UBR4: variants seen among roughly 807,000 people sequenced by gnomAD.
UBR4 encodes E3 ubiquitin-protein ligase UBR4.
UBR4 carries 124 observed loss-of-function variants against 575.6 expected under a neutral mutation model. That is an observed-to-expected ratio of 0.22 (90% confidence interval 0.19 to 0.25). The LOEUF is 0.25. UBR4 is among the 10% of genes least tolerant of loss of function. UBR4 has a pLI of 1.00. For synonymous variants in UBR4, 2,455 were observed against 2,473.7 expected, an observed-to-expected ratio of 0.99 and a Z score of 0.22; for missense variants, 4,818 against 6,478.8, an observed-to-expected ratio of 0.74 and a Z score of 8.80.
At position 19,139,360 on chromosome 1, in the gene UBR4, C is replaced by A; in HGVS notation, c.8594-140G>T. Reference sequence around the variant, plus strand: ...ACACAATGCAGTTTATATATCCTGTCGTCAAAGAAAAAAGGGAGAGATTTG... The same window carrying A: ...ACACAATGCAGTTTATATATCCTGTAGTCAAAGAAAAAAGGGAGAGATTTG... On this transcript the variant is annotated intron_variant, in intron 58 of 105. Coordinates refer to ENST00000375254, the MANE Select transcript of UBR4 (RefSeq NM_020765.3). The surrounding 1 kb of genome is among the most constrained non-coding windows in gnomAD (Gnocchi z 4.2). 8.6e-7 allele frequency: 1 copy of A among 1,161,214 alleles called. No individual in the cohort carries two copies. Among genetic ancestry groups the A allele is most frequent in the Non-Finnish European group, 1.1e-6 (1 of 899,746 alleles). The allele number at this position is 1,161,214 out of a possible 1,614,324, so 71.9% of individuals were successfully genotyped here. A position where few individuals can be genotyped will look rare whatever the true frequency, so the allele number is the denominator to read the frequency against.
rs1470502433 is a variant in UBR4 at position 19,084,569 on chromosome 1, G to A, written c.14943C>T (p.Gly4981=). 5.0e-6 allele frequency: 8 copies of A among 1,614,074 alleles called. No homozygotes were observed. The highest frequency in any genetic ancestry group is 1.7e-5 in the Admixed American group (1 of 60,014). ...TCAGGTGGATGTTGCTCTCCCGGCCGCCCCCGCCAGTGTCTGCGCTGAACG... is the reference window on the plus strand; with the variant it reads ...TCAGGTGGATGTTGCTCTCCCGGCCACCCCCGCCAGTGTCTGCGCTGAACG... The part of the protein sequence containing the change: ...EQSFSADTGG[G]GRESNIHLIP... Residue 4981 remains glycine, a synonymous_variant, in exon 102 of 106, where the codon GGC becomes GGT. Transcript: ENST00000375254.
Position 19,141,713 on chromosome 1 carries a change from A to T in UBR4, c.8244T>A (p.Asn2748Lys), listed in dbSNP as rs1281395544. The T allele has an allele frequency of 6.2e-7, 1 of 1,614,068 alleles. No homozygotes were observed. The highest frequency in any genetic ancestry group is 2.2e-5 in the East Asian group (1 of 44,894). Residue 2748 changes from asparagine (N) to lysine (K), a missense_variant, in exon 56 of 106, where the codon AAT becomes AAA. This residue lies in a region of UBR4 where 129 missense variants were observed against 198.4 expected (regional missense o/e 0.65). Coordinates refer to ENST00000375254, the MANE Select transcript of UBR4 (RefSeq NM_020765.3). ...GGCTTTCCTGACGGATGTGACCACC[A>T]TTCGGGATCCCTGATGACTGCATTT... ...DEKMQSSGIPNGGHIRQESQE... is the reference protein window; with the variant it reads ...DEKMQSSGIPKGGHIRQESQE...
At chr1:19,194,535 C>T (rs1467585540) in intron 8 of UBR4, among the ~76,000 whole-genome samples, 2 of 152,170 alleles carry the variant, frequency 1.3e-5, no homozygotes, top group African/African-American at 2.4e-5. Flanking sequence ...GGCGCGGTGG[C>T]TCACGCCTGT....
chr1:19,158,171 T>G (rs992585149), intron 39 of UBR4, among the ~76,000 whole-genome samples, 174 bp from the exon 40 acceptor site: 1 of 152,216 alleles, frequency 6.6e-6, no homozygotes, highest in Non-Finnish European at 1.5e-5. Context: ...TATCAATCCA[T>G]TAAGAATAAC....
rs759128493 is a variant in UBR4, at chr1:19,139,034, G to A, written c.8731+49C>T. The stretch of plus-strand genomic sequence containing the variant: ...AGACCCAAGCAGAGATTCCTGTTTT[G>A]TCCCCACCCTCTGCCCAAGGAGACA... On this transcript the variant is annotated intron_variant, in intron 59 of 105. Coordinates refer to ENST00000375254, the MANE Select transcript of UBR4 (RefSeq NM_020765.3). This position sits in a 1 kb window ranked among gnomAD's most constrained non-coding sequence, Gnocchi z 4.2. 6.4e-7 allele frequency: 1 copy of A among 1,550,616 alleles called. No individual in the cohort carries two copies. Among genetic ancestry groups the A allele is most frequent in the East Asian group, 2.3e-5 (1 of 43,174 alleles).
chr1:19,179,246 C>T (rs748855466), intron 17 of UBR4, 26 bp from the exon 18 acceptor site: 22 of 1,521,862 alleles, frequency 1.4e-5, no homozygotes, highest in Non-Finnish European at 1.9e-5. Flanking sequence ...TGGAACAGAA[C>T]ATTAGCAAAC....
chr1:19,192,153 A>G, intron 11 of UBR4, 35 bp downstream of exon 11: 1 of 1,587,506 alleles, frequency 6.3e-7, no homozygotes, highest in South Asian at 1.1e-5. Context: ...AGCGAAATAA[A>G]ACAAAATATA....
intron 90 of UBR4, among the ~76,000 whole-genome samples, chr1:19,099,269 G>C (rs2078375792): frequency 6.6e-6 from 1 of 152,098 alleles, no homozygotes; most frequent in Admixed American, 6.6e-5. Context: ...ATACTGAAGG[G>C]AACAAGACAG....
chr1:19,121,095 G>T, intron 68 of UBR4, 94 bp downstream of exon 68: 1 of 1,513,772 alleles, frequency 6.6e-7, no homozygotes, highest in Non-Finnish European at 8.9e-7. Flanking sequence ...TCTAAATCAG[G>T]ATTAAAAGAC....
In UBR4 at chr1:19,173,314, G is replaced by C. The variant is rs765418861; in HGVS notation, c.3166-8C>G. 1 of 1,613,798 alleles carries C rather than the reference G, an allele frequency of 6.2e-7. No homozygotes were observed. The highest frequency in any genetic ancestry group is 8.5e-7 in the Non-Finnish European group (1 of 1,179,926). On this transcript the variant is annotated splice_polypyrimidine_tract_variant and splice_region_variant and intron_variant, in intron 23 of 105. Transcript: ENST00000375254. ...CTGTTTGATAAGGTGATCCTATTTGGACAGCAAGAAAAAGTGTTTAGGAGA... is the reference window on the plus strand; with the variant it reads ...CTGTTTGATAAGGTGATCCTATTTGCACAGCAAGAAAAAGTGTTTAGGAGA...
intron 7 of UBR4, 103 bp downstream of exon 7, chr1:19,197,567 C>G: frequency 6.7e-7 from 1 of 1,487,596 alleles, no homozygotes; most frequent in South Asian, 1.3e-5. Context: ...GACGAGGTTA[C>G]AGTGAACCGA....
chr1:19,208,551 G>A (rs1440330943), intron 1 of UBR4, among the ~76,000 whole-genome samples: 1 of 149,996 alleles, frequency 6.7e-6, no homozygotes, highest in African/African-American at 2.5e-5. Context: ...TATTTTCTAA[G>A]CCATAAAGAG....
At position 19,193,497 on chromosome 1, in the gene UBR4, G is replaced by A. The variant is rs914462286; in HGVS notation, c.1079C>T (p.Thr360Ile). ...LHVGSAQQVR[T>I]GSTSSKEDDY... ...ATCTTCTTTGGAGCTCGTGGACCCTGTCCGCACTTGCTGGGCACTACCCAC... is the reference window on the plus strand; with the variant it reads ...ATCTTCTTTGGAGCTCGTGGACCCTATCCGCACTTGCTGGGCACTACCCAC... Residue 360 changes from threonine (T) to isoleucine (I), a missense_variant, in exon 9 of 106, where the codon ACA becomes ATA. Around this residue, in one of 29 missense-constraint regions of UBR4, gnomAD observed 131 missense variants for 214.5 expected, o/e 0.61. Transcript: ENST00000375254. The A allele has an allele frequency of 3.7e-6, 6 of 1,614,024 alleles. No homozygotes were observed. In the Admixed American group the frequency reaches 5.0e-5, roughly 13 times the overall value.
intron 60 of UBR4, among the ~76,000 whole-genome samples, chr1:19,135,876 T>C (rs1432264994): frequency 6.6e-6 from 1 of 151,752 alleles, no homozygotes; most frequent in African/African-American, 2.4e-5. Context: ...CTAAGCAAAA[T>C]AAATGTAAAG....
chr1:19,158,673 G>A (rs1017194419), intron 39 of UBR4, among the ~76,000 whole-genome samples: 16 of 151,834 alleles, frequency 1.1e-4, no homozygotes, highest in Non-Finnish European at 2.2e-4. Flanking sequence ...ATGTTGCCCA[G>A]GATGGTCCCG....
rs761098168 is a variant in UBR4, at chr1:19,173,164, G to C, written c.3291+17C>G. ...GTAGAAACCAAGTTCTATCATTTAGGTTCCAATATTACATACCTGTCGAGC... is the reference window on the plus strand; with the variant it reads ...GTAGAAACCAAGTTCTATCATTTAGCTTCCAATATTACATACCTGTCGAGC... On this transcript the variant is annotated intron_variant, in intron 24 of 105. Transcript: ENST00000375254. 1 of 1,613,924 alleles carries C rather than the reference G, an allele frequency of 6.2e-7. No homozygotes were observed. Among genetic ancestry groups the C allele is most frequent in the Non-Finnish European group, 8.5e-7 (1 of 1,179,988 alleles).
At chr1:19,122,538 C>T (rs1003171580) in intron 66 of UBR4, among the ~76,000 whole-genome samples, 1 of 152,172 alleles carries the variant, frequency 6.6e-6, no homozygotes, top group Admixed American at 6.5e-5. Context: ...GAGATCAGTC[C>T]TGACTAGGAT....
chr1:19,098,553 C>A (rs2078288307), intron 90 of UBR4, among the ~76,000 whole-genome samples: 1 of 152,158 alleles, frequency 6.6e-6, no homozygotes, highest in Admixed American at 6.6e-5. Context: ...GGGATTAAAT[C>A]TGTATTGTTC....
chr1:19,127,924 A>G (rs1002955146), intron 62 of UBR4, among the ~76,000 whole-genome samples, 185 bp from the exon 63 acceptor site: 1 of 152,170 alleles, frequency 6.6e-6, no homozygotes, highest in Non-Finnish European at 1.5e-5. Flanking sequence ...TACACTTAAG[A>G]GGCCATATTA....
Sources: gnomAD v4.1 joint callset for allele counts (sites outside exome capture counted in the v4.1 genomes callset) on GRCh38, gnomAD v4.1.1 for gene constraint, gnomAD v4.1.1 regional missense constraint, Gnocchi (gnomAD v3.1) non-coding constraint, MANE v1.5 for transcripts, NCBI Gene and HGNC (gene_info 2026-07-23, HGNC 2026-07-21) for gene names.